PSMC2: variants seen among roughly 807,000 people sequenced by gnomAD.
PSMC2 encodes 26S proteasome regulatory subunit 7.
In PSMC2, 7 loss-of-function variants were observed where a neutral mutation model predicts 53.3. That is an observed-to-expected ratio of 0.13 (90% confidence interval 0.07 to 0.25). PSMC2 has a LOEUF of 0.25. Among genes scored for constraint, PSMC2 ranks in the 10% least tolerant of loss-of-function variants. PSMC2 has a pLI of 1.00. For synonymous variants in PSMC2, 169 were observed against 183.9 expected, an observed-to-expected ratio of 0.92 and a Z score of 0.66; for missense variants, 241 against 544.0, an observed-to-expected ratio of 0.44 and a Z score of 5.54.
chr7:103,359,421 ACTAT>A (rs1563489697), intron 4 of PSMC2, among the ~76,000 whole-genome samples: 1 of 152,234 alleles, frequency 6.6e-6, no homozygotes, highest in Non-Finnish European at 1.5e-5. Flanking sequence ...ATTGATCATC[ACTAT>A]CTAATTCCAG....
intron 1 of PSMC2, 56 bp from the exon 2 acceptor site, chr7:103,353,865 A>T (rs1819871699): frequency 1.4e-6 from 2 of 1,479,946 alleles, no homozygotes; most frequent in African/African-American, 2.8e-5. Flanking sequence ...TTTCTTTTTT[A>T]AAAATTTTAA....
At position 103,347,777 on chromosome 7, in the gene PSMC2, C is replaced by T. The variant is rs755684671; in HGVS notation, c.66C>T (p.Ile22=). ...AGGATGAGAAGGACGACAAGCCCAT[C>T]CGAGGTCAGTTGACATGGGCCGGAG... ...TKEDEKDDKP[I]RALDEGDIAL... The change falls in exon 1 of 12, where the codon ATC becomes ATT. Residue 22 remains isoleucine (I), a synonymous_variant. Transcript: ENST00000292644. 4 of 1,613,742 alleles carry T rather than the reference C, an allele frequency of 2.5e-6. No homozygotes were observed. The African/African-American group carries it at 4.0e-5, about 16-fold the overall frequency.
chr7:103,362,983 G>C (rs1486762016), intron 6 of PSMC2, among the ~76,000 whole-genome samples: 1 of 151,888 alleles, frequency 6.6e-6, no homozygotes, highest in African/African-American at 2.4e-5. Flanking sequence ...TAGTAGAGAC[G>C]GTGTTTCACC....
At chr7:103,348,534 A>C (rs938387929) in intron 1 of PSMC2, 1 of 703,152 alleles carries the variant, frequency 1.4e-6, no homozygotes, top group African/African-American at 1.7e-5. Context: ...GGACGTGTAG[A>C]TTTTTCCAAT....
intron 8 of PSMC2, among the ~76,000 whole-genome samples, chr7:103,365,458 C>A (rs1255425228): frequency 6.6e-6 from 1 of 151,910 alleles, no homozygotes; most frequent in East Asian, 1.9e-4. Context: ...ATGGAGAAAC[C>A]CCGTCTCCAT....
At chr7:103,356,299 T>C in intron 4 of PSMC2, among the ~76,000 whole-genome samples, 1 of 152,254 alleles carries the variant, frequency 6.6e-6, no homozygotes, top group Admixed American at 6.5e-5. Context: ...TCTGTTACTA[T>C]ACACAGTGCT....
chr7:103,363,336 T>A lies in PSMC2; in HGVS notation c.496-8T>A. ...ACTGTATGTTGTACATTTCTGTCCC[T>A]CTCTTAGGTGGAAGAGAAACCTGAT... On this transcript the variant is annotated splice_polypyrimidine_tract_variant and splice_region_variant and intron_variant, in intron 6 of 11. Transcript: ENST00000292644. The A allele has an allele frequency of 6.2e-7, 1 of 1,606,018 alleles. No individual in the cohort carries two copies. Among genetic ancestry groups the A allele is most frequent in the East Asian group, 2.2e-5 (1 of 44,830 alleles).
chr7:103,355,653 G>A (rs1161432214), intron 3 of PSMC2, 41 bp from the exon 4 acceptor site: 2 of 1,419,776 alleles, frequency 1.4e-6, no homozygotes, highest in Admixed American at 1.7e-5. Context: ...ATAGGGTGAT[G>A]CATTACATTT....
chr7:103,361,552 A>G (rs1035783233), intron 4 of PSMC2, among the ~76,000 whole-genome samples: 1 of 151,308 alleles, frequency 6.6e-6, no homozygotes. Context: ...GATTTAAAGT[A>G]TAAACTCAGG....
intron 3 of PSMC2, among the ~76,000 whole-genome samples, chr7:103,355,409 G>A (rs566178115): frequency 2.0e-4 from 30 of 152,284 alleles, no homozygotes; most frequent in African/African-American, 6.3e-4. Context: ...TTAGGGCAGG[G>A]TGTAGTTTTC....
intron 8 of PSMC2, 124 bp downstream of exon 8, chr7:103,364,431 C>CAA: frequency 9.1e-7 from 1 of 1,104,848 alleles, no homozygotes; most frequent in Non-Finnish European, 1.3e-6. Context: ...TTTGTTGAGA[C>CAA]AGAGTCTCAT....
In PSMC2 at chr7:103,367,403, G is replaced by C; in HGVS notation, c.845-10G>C. 6 of 1,612,890 alleles carry C rather than the reference G, an allele frequency of 3.7e-6. No individual in the cohort carries two copies. Among genetic ancestry groups the C allele is most frequent in the Non-Finnish European group, 4.2e-6 (5 of 1,179,774 alleles). ...ACTTGAAGAGCTTATCTTTCCTTTT[G>C]TCTTCTCAGGGGCTCGTTTTGATGA... is the stretch of plus-strand genomic sequence containing the variant. On this transcript the variant is annotated splice_polypyrimidine_tract_variant and intron_variant, in intron 9 of 11. Coordinates refer to ENST00000292644, the MANE Select transcript of PSMC2 (RefSeq NM_002803.4). The surrounding 1 kb of genome is among the most constrained non-coding windows in gnomAD (Gnocchi z 6.1).
intron 4 of PSMC2, among the ~76,000 whole-genome samples, chr7:103,357,383 C>G (rs930517023): frequency 1.3e-5 from 2 of 151,624 alleles, no homozygotes; most frequent in Admixed American, 6.6e-5. Context: ...CTGTATTTCC[C>G]AATTTCTCTT....
chr7:103,349,031 C>G (rs1467714866), intron 1 of PSMC2, among the ~76,000 whole-genome samples: 1 of 152,226 alleles, frequency 6.6e-6, no homozygotes, highest in Non-Finnish European at 1.5e-5. Context: ...TTGGATATAA[C>G]TTCTTCCCAG....
Position 103,367,317 on chromosome 7 carries a change from A to T in PSMC2, c.845-96A>T. 8.9e-7 allele frequency: 1 copy of T among 1,123,506 alleles called. No individual in the cohort carries two copies. The highest frequency in any genetic ancestry group is 1.3e-6 in the Non-Finnish European group (1 of 755,134). The allele number at this position is 1,123,506 out of a possible 1,614,324, so 69.6% of individuals were successfully genotyped here. ...AGTGGGATGTCACTTGTGCCTGAGGACATGATTTGAGCTGAGATTTTTGGT... is the reference window on the plus strand; with the variant it reads ...AGTGGGATGTCACTTGTGCCTGAGGTCATGATTTGAGCTGAGATTTTTGGT... On this transcript the variant is annotated intron_variant, in intron 9 of 11. Transcript: ENST00000292644. This position sits in a 1 kb window ranked among gnomAD's most constrained non-coding sequence, Gnocchi z 6.1.
At chr7:103,365,759 C>T (rs988506120) in intron 8 of PSMC2, among the ~76,000 whole-genome samples, 1 of 152,078 alleles carries the variant, frequency 6.6e-6, no homozygotes, top group Admixed American at 6.6e-5. Flanking sequence ...GAAACCCCGT[C>T]TCTACTAAAA....
intron 1 of PSMC2, among the ~76,000 whole-genome samples, chr7:103,349,599 C>T (rs1819683407): frequency 6.6e-6 from 1 of 152,046 alleles, no homozygotes; most frequent in South Asian, 2.1e-4. Context: ...CAGGCACCCC[C>T]CCACCACACC....
At position 103,367,814 on chromosome 7, in the gene PSMC2, G is replaced by A. The variant is rs769296356; in HGVS notation, c.1144+5G>A. On this transcript the variant is annotated splice_donor_5th_base_variant and intron_variant, in intron 11 of 11. Coordinates refer to ENST00000292644, the MANE Select transcript of PSMC2 (RefSeq NM_002803.4). The surrounding 1 kb of genome is among the most constrained non-coding windows in gnomAD (Gnocchi z 6.1). ...GACTGTGTCCAAATAGCACTGGTAA[G>A]TAGAAAGTTCTTGCTTATATTTGCT... The A allele has an allele frequency of 6.2e-7, 1 of 1,612,848 alleles. No individual in the cohort carries two copies.
At chr7:103,355,286 AT>A (rs1819966808) in intron 3 of PSMC2, among the ~76,000 whole-genome samples, 1 of 152,212 alleles carries the variant, frequency 6.6e-6, no homozygotes, top group South Asian at 2.1e-4. Context: ...GCTTCAAGTA[AT>A]TGGGCTCTTT....
Sources: allele counts gnomAD v4.1 joint callset (sites outside exome capture counted in the v4.1 genomes callset), GRCh38; gene constraint gnomAD v4.1.1; non-coding constraint Gnocchi (gnomAD v3.1); transcripts MANE v1.5; gene names NCBI Gene and HGNC (gene_info 2026-07-23, HGNC 2026-07-21).